The following LSM11 variants were observed in gnomAD, a reference collection of about 807,000 sequenced individuals.
LSM11 encodes the protein LSM11, U7 small nuclear RNA associated.
LSM11 carries 14 observed loss-of-function variants against 28.1 expected under a neutral mutation model. The observed-to-expected ratio is 0.50, with a 90% CI of 0.33 to 0.78. The LOEUF (loss-of-function observed/expected upper bound fraction) is 0.78. Ranked by LOEUF, LSM11 falls within the 30% of genes least tolerant of loss-of-function variation. The pLI, the probability that LSM11 is intolerant of heterozygous loss-of-function variation, is 0.02. For missense variants in LSM11, 495 were observed against 510.6 expected (o/e 0.97, Z 0.30); for synonymous variants, 207 against 214.2 (o/e 0.97, Z 0.30).
At position 157,754,880 on chromosome 5, in the gene LSM11, TTCC is replaced by T. The variant is rs1561621606; in HGVS notation, c.703_705del (p.Ser235del). The T allele has an allele frequency of 3.7e-6, 6 of 1,613,816 alleles. No homozygotes were observed. ...TATTTGATCGGCTGAAACTTCAAGA[TTCC>T]TCCAAGAAGGAAGCAGATTCTAAGT... On this transcript the variant is annotated inframe_deletion, in exon 4 of 4. Transcript: ENST00000286307.
At position 157,744,005 on chromosome 5, in the gene LSM11, G is replaced by T; in HGVS notation, c.255G>T (p.Gly85=). Residue 85 remains glycine, a synonymous_variant, in exon 1 of 4, where the codon GGG becomes GGT. Transcript: ENST00000286307. ...GRARGAAAGS[G]VPAAPGPSGR... is the part of the protein sequence containing the mutation. ...CTCGGGGCGCGGCCGCGGGCTCTGGGGTTCCCGCCGCACCCGGGCCCTCGG... is the reference window on the plus strand; with the variant it reads ...CTCGGGGCGCGGCCGCGGGCTCTGGTGTTCCCGCCGCACCCGGGCCCTCGG... 1 of 1,319,948 alleles carries T rather than the reference G, an allele frequency of 7.6e-7. No individual in the cohort carries two copies. Among genetic ancestry groups the T allele is most frequent in the Non-Finnish European group, 9.7e-7 (1 of 1,035,332 alleles). 81.8% of individuals were successfully genotyped at this position (1,319,948 alleles called of 1,614,324 possible). A position where few individuals can be genotyped will look rare whatever the true frequency, so the allele number is the denominator to read the frequency against.
At chr5:157,750,729 A>G (rs1761217576) in intron 1 of LSM11, among the ~76,000 whole-genome samples, 1 of 152,230 alleles carries the variant, frequency 6.6e-6, no homozygotes, top group African/African-American at 2.4e-5. Context: ...CTTAAGGCAC[A>G]GAATTGAGAA....
Position 157,744,111 on chromosome 5 carries a change from G to A in LSM11, c.361G>A (p.Glu121Lys). 2 of 1,486,938 alleles carry A rather than the reference G, an allele frequency of 1.3e-6. No individual in the cohort carries two copies. The highest frequency in any genetic ancestry group is 2.8e-5 in the East Asian group (1 of 35,488). The allele number at this position is 1,486,938 out of a possible 1,614,324, so 92.1% of individuals were successfully genotyped here. A position where few individuals can be genotyped will look rare whatever the true frequency, so the allele number is the denominator to read the frequency against. ...CCTCCGCCGTCTCATGGTGGCCAAAGAGGAAGGGGACGGGGCCGCAGGAGC... is the reference window on the plus strand; with the variant it reads ...CCTCCGCCGTCTCATGGTGGCCAAAAAGGAAGGGGACGGGGCCGCAGGAGC... ...QRLRRLMVAK[E>K]EGDGAAGAGR... The change falls in exon 1 of 4, where the codon GAG becomes AAG. Residue 121 changes from glutamate (E) to lysine (K), a missense_variant. Physicochemically the swap from Glu to Lys is moderately conservative, Grantham distance 56. Coordinates refer to ENST00000286307, the MANE Select transcript of LSM11 (RefSeq NM_173491.4).
At chr5:157,745,198 C>G (rs1761129874) in intron 1 of LSM11, among the ~76,000 whole-genome samples, 4 of 152,166 alleles carry the variant, frequency 2.6e-5, no homozygotes, top group Admixed American at 2.6e-4. Context: ...ACACAATGAC[C>G]TACTTAGCCA....
Position 157,747,860 on chromosome 5 carries a change from G to A in LSM11, c.449-3530G>A, listed in dbSNP as rs577630242. On this transcript the variant is annotated intron_variant, in intron 1 of 3. Coordinates refer to ENST00000286307, the MANE Select transcript of LSM11 (RefSeq NM_173491.4). ...TGACTTACATAAAACCGAGAACAGCGGTACTTAGGCTTCAGAAAAGGCCAA... is the reference window on the plus strand; with the variant it reads ...TGACTTACATAAAACCGAGAACAGCAGTACTTAGGCTTCAGAAAAGGCCAA... 5.3e-5 allele frequency among the ~76,000 whole-genome samples: 8 copies of A among 152,288 alleles called. No individual in the cohort carries two copies. In the East Asian group the frequency reaches 9.6e-4, roughly 18 times the overall value.
chr5:157,758,113 C>T lies in LSM11; in HGVS notation c.*2849C>T, dbSNP rs1306935070. 2 of 152,110 alleles carry T rather than the reference C, an allele frequency of 1.3e-5. No individual in the cohort carries two copies. The highest frequency in any genetic ancestry group is 2.9e-5 in the Non-Finnish European group (2 of 68,022). The allele number at this position is 152,110 out of a possible 1,614,324, so 9.4% of individuals were successfully genotyped here. ...CAGAAGTTCATTTTTAAAGATTACT[C>T]CCTTTTCTTTCTCTCTTTTTTTTGA... On this transcript the variant is annotated 3_prime_UTR_variant, in exon 4 of 4. Transcript: ENST00000286307.
Position 157,759,696 on chromosome 5 carries a change from T to G in LSM11, c.*4432T>G, listed in dbSNP as rs577165144. 1.3e-5 allele frequency: 2 copies of G among 152,358 alleles called. No homozygotes were observed. The highest frequency in any genetic ancestry group is 3.8e-4 in the East Asian group (2 of 5,196). The allele number at this position is 152,358 out of a possible 1,614,324, so 9.4% of individuals were successfully genotyped here. A position where few individuals can be genotyped will look rare whatever the true frequency, so the allele number is the denominator to read the frequency against. On this transcript the variant is annotated 3_prime_UTR_variant, in exon 4 of 4. Transcript: ENST00000286307. ...CAGTCAACCCTTTTTCAGTAACTTA[T>G]GTTCACCAGTCTGTGCTTTTCTTCT... is the stretch of plus-strand genomic sequence containing the variant.
chr5:157,746,995 C>T (rs1317675599), intron 1 of LSM11, among the ~76,000 whole-genome samples: 1 of 152,122 alleles, frequency 6.6e-6, no homozygotes, highest in Non-Finnish European at 1.5e-5. Context: ...AAAGGTTTTT[C>T]GTCATCATTA....
At chr5:157,752,340 G>C (rs534086318) in intron 2 of LSM11, among the ~76,000 whole-genome samples, 5 of 151,644 alleles carry the variant, frequency 3.3e-5, no homozygotes, top group African/African-American at 1.2e-4. Context: ...ATGTTGGCCA[G>C]GCTGGTCTTG....
intron 1 of LSM11, among the ~76,000 whole-genome samples, chr5:157,749,513 C>A (rs1015210455): frequency 6.6e-6 from 1 of 152,116 alleles, no homozygotes. Context: ...GTTATAATGA[C>A]CTGAAAATTG....
rs369064205 is a variant in LSM11, at chr5:157,754,086, G to A, written c.671G>A (p.Arg224Lys). 1 of 1,557,916 alleles carries A rather than the reference G, an allele frequency of 6.4e-7. No individual in the cohort carries two copies. The highest frequency in any genetic ancestry group is 1.4e-5 in the African/African-American group (1 of 72,122). The part of the protein sequence containing the change: ...YERDSSLTLT[R>K]LFDRLKLQDS... Reference sequence around the variant, plus strand: ...CGGGATTCTTCACTGACTCTCACTAGGGTAGGCAGTTTTCCCCTGACCTCC... The same window carrying A: ...CGGGATTCTTCACTGACTCTCACTAAGGTAGGCAGTTTTCCCCTGACCTCC... Residue 224 changes from arginine (R) to lysine (K), a missense_variant and splice_region_variant, in exon 3 of 4, where the codon AGG becomes AAG. Physicochemically the swap from Arg to Lys is conservative, Grantham distance 26. Transcript: ENST00000286307.
In LSM11 at chr5:157,757,701, T is replaced by G. The variant is rs1378681135; in HGVS notation, c.*2437T>G. ...CATCAGGCAACACTGCGTATACCTG[T>G]GTGGCTATCCTCATCTGCCTGCCCT... On this transcript the variant is annotated 3_prime_UTR_variant, in exon 4 of 4. Transcript: ENST00000286307. 6.6e-6 allele frequency: 1 copy of G among 152,216 alleles called. No individual in the cohort carries two copies. The highest frequency in any genetic ancestry group is 1.5e-5 in the Non-Finnish European group (1 of 68,038). 9.4% of individuals were successfully genotyped at this position (152,216 alleles called of 1,614,324 possible).
In LSM11 at chr5:157,743,800, C is replaced by G. The variant is rs774451050; in HGVS notation, c.50C>G (p.Ala17Gly). 87 of 1,469,560 alleles carry G rather than the reference C, an allele frequency of 5.9e-5. No homozygotes were observed. The highest frequency in any genetic ancestry group is 7.8e-5 in the Non-Finnish European group (87 of 1,114,922). 91.0% of individuals were successfully genotyped at this position (1,469,560 alleles called of 1,614,324 possible). ...AGGTCGGCTGGCGCCGGGAGCCCCG[C>G]GCGCCCGCCCAGCCCGCGGCTGGAT... Reference protein sequence around the residue: ...GARSAGAGSPARPPSPRLDVS... With the variant: ...GARSAGAGSPGRPPSPRLDVS... The change falls in exon 1 of 4, where the codon GCG (alanine) becomes GGG (glycine). Residue 17 changes from alanine (A) to glycine (G), a missense_variant. By Grantham distance (60) the Ala-to-Gly change is moderately conservative. Coordinates refer to ENST00000286307, the MANE Select transcript of LSM11 (RefSeq NM_173491.4).
At chr5:157,751,351 G>C in intron 1 of LSM11, 39 bp from the exon 2 acceptor site, 1 of 1,533,186 alleles carries the variant, frequency 6.5e-7, no homozygotes, top group Non-Finnish European at 8.8e-7. Context: ...AATGAGGGCA[G>C]ATATTAAAAC....
rs909266458 is a variant in LSM11, at chr5:157,759,972, A to G, written c.*4708A>G. On this transcript the variant is annotated 3_prime_UTR_variant, in exon 4 of 4. Coordinates refer to ENST00000286307, the MANE Select transcript of LSM11 (RefSeq NM_173491.4). ...AAAAATGAAAGCTCTCTGACAAGAAATAGTTCTGGATGGTTTGAAGATCTG... is the reference window on the plus strand; with the variant it reads ...AAAAATGAAAGCTCTCTGACAAGAAGTAGTTCTGGATGGTTTGAAGATCTG... The G allele has an allele frequency of 6.6e-6, 1 of 152,232 alleles. No homozygotes were observed. The highest frequency in any genetic ancestry group is 2.4e-5 in the African/African-American group (1 of 41,458). The allele number at this position is 152,232 out of a possible 1,614,324, so 9.4% of individuals were successfully genotyped here. A position where few individuals can be genotyped will look rare whatever the true frequency, so the allele number is the denominator to read the frequency against.
chr5:157,743,933 C>T lies in LSM11; in HGVS notation c.183C>T (p.Ser61=), dbSNP rs764682108. Reference sequence around the variant, plus strand: ...TCAACAACGTGGCGGAGTACGAGAGCTTCCTCAGGACCGGAGTCCGGGGCG... The same window carrying T: ...TCAACAACGTGGCGGAGTACGAGAGTTTCCTCAGGACCGGAGTCCGGGGCG... ...PCFNNVAEYE[S]FLRTGVRGGG... The change falls in exon 1 of 4, where the codon AGC becomes AGT. Residue 61 remains serine (S), a synonymous_variant. Transcript: ENST00000286307. 6.8e-7 allele frequency: 1 copy of T among 1,472,376 alleles called. No individual in the cohort carries two copies. Among genetic ancestry groups the T allele is most frequent in the East Asian group, 2.7e-5 (1 of 36,580 alleles). 91.2% of individuals were successfully genotyped at this position (1,472,376 alleles called of 1,614,324 possible).
At chr5:157,749,019 C>T (rs1049852072) in intron 1 of LSM11, among the ~76,000 whole-genome samples, 1 of 152,108 alleles carries the variant, frequency 6.6e-6, no homozygotes, top group Non-Finnish European at 1.5e-5. Flanking sequence ...TGGCGGTTTG[C>T]TCTGATAGGT....
chr5:157,754,127 C>A, intron 3 of LSM11, 40 bp downstream of exon 3: 1 of 1,354,512 alleles, frequency 7.4e-7, no homozygotes, highest in Non-Finnish European at 1.0e-6. Flanking sequence ...AGCCATCATG[C>A]TTTCCAGCTT....
chr5:157,752,373 G>A (rs577432403), intron 2 of LSM11, among the ~76,000 whole-genome samples: 14 of 150,998 alleles, frequency 9.3e-5, no homozygotes, highest in South Asian at 2.1e-4. Context: ...CAGGTAATCC[G>A]CCTGCCTCAG....
Sources: gnomAD v4.1 joint callset for allele counts (sites outside exome capture counted in the v4.1 genomes callset) on GRCh38, gnomAD v4.1.1 for gene constraint, MANE v1.5 for transcripts, NCBI Gene and HGNC (gene_info 2026-07-23, HGNC 2026-07-21) for gene names.